POLA1: variants seen among roughly 807,000 people sequenced by gnomAD.
POLA1 encodes DNA polymerase alpha catalytic subunit.
A neutral mutation model predicts 124.0 loss-of-function variants in POLA1; 15 were observed. The observed-to-expected ratio is 0.12, with a 90% CI of 0.08 to 0.19. The LOEUF is 0.19. Among genes scored for constraint, POLA1 ranks in the 10% least tolerant of loss-of-function variants. The pLI is 1.00. For synonymous variants in POLA1, 408 were observed against 389.4 expected (o/e 1.05, Z -0.56); for missense variants, 886 against 1,103.4 (o/e 0.80, Z 2.79).
At chrX:24,793,504 C>T (rs1751636121) in intron 26 of POLA1, among the ~76,000 whole-genome samples, 1 of 111,086 alleles carries the variant, frequency 9.0e-6, no homozygotes. Context: ...AAAATGTGGG[C>T]AATTATAGTG....
chrX:24,991,204 C>CA (rs1323317515), intron 36 of POLA1, among the ~76,000 whole-genome samples: 38 of 108,971 alleles, frequency 3.5e-4, no homozygotes, highest in Middle Eastern at 4.8e-3. Context: ...CCTCCCCCCC[C>CA]ACACCCACCC....
At chrX:24,720,499 A>G (rs1437856902) in intron 10 of POLA1, among the ~76,000 whole-genome samples, 1 of 112,182 alleles carries the variant, frequency 8.9e-6, no homozygotes, top group Non-Finnish European at 1.9e-5. Flanking sequence ...TTCAGAGACT[A>G]GTGTTGCATT....
intron 35 of POLA1, among the ~76,000 whole-genome samples, chrX:24,923,662 C>T (rs1455288571): frequency 3.6e-5 from 4 of 111,845 alleles, no homozygotes; most frequent in Middle Eastern, 4.2e-3. Context: ...GAAAAGTAAC[C>T]CTCACAAGCG....
intron 29 of POLA1, among the ~76,000 whole-genome samples, chrX:24,814,479 T>A (rs1426440047): frequency 8.9e-6 from 1 of 112,133 alleles, no homozygotes; most frequent in Non-Finnish European, 1.9e-5. Context: ...TTGAAATCTT[T>A]GTTTTTTAAA....
At chrX:24,805,507 C>T (rs1008003616) in intron 26 of POLA1, among the ~76,000 whole-genome samples, 1 of 111,615 alleles carries the variant, frequency 9.0e-6, no homozygotes, top group East Asian at 2.8e-4. Flanking sequence ...AATAAAATCA[C>T]GAAGGCATTT....
Position 24,739,476 on chromosome X carries a change from G to A in POLA1, c.2142G>A (p.Leu714=), listed in dbSNP as rs141500749. 1 of 1,192,841 alleles carries A rather than the reference G, an allele frequency of 8.4e-7. No homozygotes were observed. Among genetic ancestry groups the A allele is most frequent in the Middle Eastern group, 2.3e-4 (1 of 4,320 alleles). Residue 714 remains leucine (L), a synonymous_variant, in exon 20 of 37, where the codon CTG becomes CTA. Coordinates refer to ENST00000379068, the MANE Select transcript of POLA1 (RefSeq NM_001330360.2). ...TGATTCGTTGTAAAAGCTACCATCTGTCTGAACTTGTTCAGCAGATTCTAA... is the reference window on the plus strand; with the variant it reads ...TGATTCGTTGTAAAAGCTACCATCTATCTGAACTTGTTCAGCAGATTCTAA... ...KELIRCKSYH[L]SELVQQILKT...
At chrX:24,969,421 T>A (rs773707847) in intron 36 of POLA1, among the ~76,000 whole-genome samples, 5 of 110,329 alleles carry the variant, frequency 4.5e-5, no homozygotes, top group African/African-American at 1.3e-4. Flanking sequence ...ATAGAATTTA[T>A]CCCTGCAGGG....
At chrX:24,721,688 C>T (rs1190193962) in intron 10 of POLA1, among the ~76,000 whole-genome samples, 1 of 111,826 alleles carries the variant, frequency 8.9e-6, no homozygotes, top group East Asian at 2.8e-4. Context: ...CCTGACTGCA[C>T]CTGGTTTCAG....
intron 2 of POLA1, among the ~76,000 whole-genome samples, chrX:24,702,804 A>G (rs749346521): frequency 2.7e-5 from 3 of 112,424 alleles, no homozygotes; most frequent in Admixed American, 9.4e-5. Flanking sequence ...GGTTGATTGA[A>G]CAGGCATGAA....
At chrX:24,771,581 G>A (rs2045036443) in intron 26 of POLA1, among the ~76,000 whole-genome samples, 1 of 111,066 alleles carries the variant, frequency 9.0e-6, no homozygotes, top group Admixed American at 9.6e-5. Context: ...AAGGAGTGTT[G>A]GTTGTTTTCT....
At chrX:24,777,793 C>G (rs2045171645) in intron 26 of POLA1, among the ~76,000 whole-genome samples, 1 of 111,857 alleles carries the variant, frequency 8.9e-6, no homozygotes, top group Non-Finnish European at 1.9e-5. Flanking sequence ...CTCTATAAAG[C>G]ATTTAAGCTT....
intron 19 of POLA1, among the ~76,000 whole-genome samples, chrX:24,738,390 C>T (rs1602309349): frequency 9.0e-6 from 1 of 110,536 alleles, no homozygotes; most frequent in Admixed American, 9.6e-5. Flanking sequence ...TGAGTGCTAT[C>T]ATTTAGGAAG....
intron 36 of POLA1, among the ~76,000 whole-genome samples, chrX:24,976,675 T>G (rs184506685): frequency 1.5e-3 from 167 of 112,506 alleles, no homozygotes; most frequent in African/African-American, 5.0e-3. Context: ...GGTTGGTTAA[T>G]TTTAATTTCA....
intron 36 of POLA1, among the ~76,000 whole-genome samples, chrX:24,973,212 G>T (rs1189949665): frequency 9.0e-6 from 1 of 111,248 alleles, no homozygotes; most frequent in Admixed American, 9.5e-5. Flanking sequence ...CAAAAAATTA[G>T]CTGGGTGTGG....
At chrX:24,857,498 TTTA>T (rs1569340413) in intron 34 of POLA1, among the ~76,000 whole-genome samples, 1 of 111,881 alleles carries the variant, frequency 8.9e-6, no homozygotes, top group Non-Finnish European at 1.9e-5. Flanking sequence ...AATTGACATC[TTTA>T]TTATGTCAAG....
intron 15 of POLA1, 132 bp downstream of exon 15, chrX:24,728,068 T>C: frequency 4.5e-6 from 2 of 441,928 alleles, no homozygotes; most frequent in Non-Finnish European, 7.4e-6. Flanking sequence ...TAAACTCTTA[T>C]AGAGAATGAA....
At chrX:24,879,629 A>C (rs1277970592) in intron 34 of POLA1, among the ~76,000 whole-genome samples, 2 of 111,779 alleles carry the variant, frequency 1.8e-5, no homozygotes, top group African/African-American at 6.5e-5. Flanking sequence ...TTCCTGAAGC[A>C]AGGTACTGTG....
rs1416214159 is a variant in POLA1 at position 24,810,784 on chromosome X, T to A, written c.3074T>A (p.Phe1025Tyr). 2 of 1,048,315 alleles carry A rather than the reference T, an allele frequency of 1.9e-6. No individual in the cohort carries two copies. The highest frequency in any genetic ancestry group is 2.7e-6 in the Non-Finnish European group (2 of 754,709). The allele number at this position is 1,048,315 out of a possible 1,213,427, so 86.4% of individuals were successfully genotyped here. The part of the protein sequence containing the change: ...NTNSTNLEEV[F>Y]KLGNKVKSEV... ...AATAGCACCAATCTGGAAGAAGTAT[T>A]TAAGTTGGGAAACAAGGTGAGATAA... Residue 1025 changes from phenylalanine (F) to tyrosine (Y), a missense_variant, in exon 28 of 37, where the codon TTT (phenylalanine) becomes TAT (tyrosine). This residue lies in a region of POLA1 where 313 missense variants were observed against 359.7 expected (regional missense o/e 0.87). Transcript: ENST00000379068.
At chrX:24,916,467 CAG>C (rs2047534950) in intron 35 of POLA1, among the ~76,000 whole-genome samples, 1 of 109,572 alleles carries the variant, frequency 9.1e-6, no homozygotes, top group Admixed American at 9.7e-5. Context: ...TATTAGTAGA[CAG>C]GGTTTCACCA....
Sources: gnomAD v4.1 joint callset for allele counts (sites outside exome capture counted in the v4.1 genomes callset) on GRCh38, gnomAD v4.1.1 for gene constraint, gnomAD v4.1.1 regional missense constraint, MANE v1.5 for transcripts, NCBI Gene and HGNC (gene_info 2026-07-23, HGNC 2026-07-21) for gene names.